Variants in EML1 observed in about 807,000 individuals in gnomAD.
The protein encoded by EML1 is EMAP like 1.
A neutral mutation model predicts 110.4 loss-of-function variants in EML1; 27 were observed. The observed-to-expected ratio is 0.24, with a 90% CI of 0.18 to 0.34. The LOEUF is 0.34. Ranked by LOEUF, EML1 falls within the 10% of genes least tolerant of loss-of-function variation. EML1 has a pLI of 1.00. For missense variants in EML1, 741 were observed against 1,030.9 expected, an observed-to-expected ratio of 0.72 and a Z score of 3.85; for synonymous variants, 344 against 385.8, an observed-to-expected ratio of 0.89 and a Z score of 1.27.
At chr14:99,746,817 C>T (rs1311225815) in intron 1 of EML1, among the ~76,000 whole-genome samples, 2 of 152,132 alleles carry the variant, frequency 1.3e-5, no homozygotes, top group African/African-American at 4.8e-5. Context: ...TCCTGTGTCC[C>T]CACCCCTCGA....
chr14:99,740,921 C>T lies in EML1; in HGVS notation c.28+3061C>T, dbSNP rs574582421. The stretch of plus-strand genomic sequence containing the variant: ...TTTGACCTTGTGATTTACCCATCTC[C>T]GTCCTGGCCAGAATCTGCAGGAAGA... On this transcript the variant is annotated intron_variant, in intron 1 of 10. Transcript: ENST00000554479. Among the ~76,000 whole-genome samples, 10 of 152,270 alleles carry T rather than the reference C, an allele frequency of 6.6e-5. No homozygotes were observed. The South Asian group carries it at 1.7e-3, about 25-fold the overall frequency.
intron 2 of EML1, among the ~76,000 whole-genome samples, chr14:99,856,104 G>C (rs1211325446): frequency 6.6e-6 from 1 of 152,148 alleles, no homozygotes; most frequent in Non-Finnish European, 1.5e-5. Flanking sequence ...AACTATCATT[G>C]TGCCCATTTT....
intron 3 of EML1, among the ~76,000 whole-genome samples, chr14:99,877,147 A>T (rs957753604): frequency 1.3e-5 from 2 of 152,012 alleles, no homozygotes; most frequent in African/African-American, 4.8e-5. Flanking sequence ...TCAGGTTCTG[A>T]TGAGGGCTGT....
chr14:99,791,621 G>A (rs1346029551), upstream of EML1, among the ~76,000 whole-genome samples: 2 of 152,170 alleles, frequency 1.3e-5, no homozygotes, highest in Non-Finnish European at 2.9e-5. Context: ...TGGTCCTATA[G>A]CAACTTCCCT....
At chr14:99,820,760 G>A (rs535321389) in intron 1 of EML1, among the ~76,000 whole-genome samples, 31 of 152,098 alleles carry the variant, frequency 2.0e-4, no homozygotes, top group Non-Finnish European at 3.1e-4. Context: ...TCCAAGTGTC[G>A]TCTCTAGTCG....
intron 1 of EML1, among the ~76,000 whole-genome samples, chr14:99,738,936 A>G (rs916873574): frequency 2.4e-4 from 37 of 152,186 alleles, no homozygotes; most frequent in African/African-American, 8.7e-4. Flanking sequence ...GGAACTCATC[A>G]GGGTCTCCTG....
chr14:99,821,878 C>T (rs1273117836), intron 1 of EML1, among the ~76,000 whole-genome samples: 1 of 152,170 alleles, frequency 6.6e-6, no homozygotes, highest in Non-Finnish European at 1.5e-5. Flanking sequence ...AACCACAGAC[C>T]ACTGGCAGGG....
intron 1 of EML1, among the ~76,000 whole-genome samples, chr14:99,794,339 C>CTTTTTTTTTTTTTTTTTT (rs113918392): frequency 7.1e-6 from 1 of 141,262 alleles, no homozygotes; most frequent in Non-Finnish European, 1.5e-5. Flanking sequence ...GTTAACCACA[C>CTTTTTTTTTTTTTTTTTT]TTTTTTTTTT....
intron 20 of EML1, among the ~76,000 whole-genome samples, chr14:99,938,676 C>T (rs1481945658): frequency 6.6e-6 from 1 of 152,222 alleles, no homozygotes; most frequent in Non-Finnish European, 1.5e-5. Flanking sequence ...AGCCTGGAGC[C>T]AGTAATGATG....
In EML1 at chr14:99,824,352, G is replaced by T. The variant is rs188134945; in HGVS notation, c.68-26501G>T. 5.3e-5 allele frequency among the ~76,000 whole-genome samples: 8 copies of T among 151,872 alleles called. No homozygotes were observed. The East Asian group carries it at 1.5e-3, about 29-fold the overall frequency. ...TGTCTTATTTATTTATTTTTTAGAT[G>T]CATCACGTTTTTATTAGGGAAATGT... is the stretch of plus-strand genomic sequence containing the variant. On this transcript the variant is annotated intron_variant, in intron 1 of 21. Transcript: ENST00000262233.
intron 1 of EML1, among the ~76,000 whole-genome samples, chr14:99,746,448 C>T (rs921190966): frequency 2.0e-5 from 3 of 152,138 alleles, no homozygotes; most frequent in Admixed American, 6.5e-5. Flanking sequence ...AGCTATGTGG[C>T]GGAAGCACTA....
intron 12 of EML1, 124 bp from the exon 13 acceptor site, chr14:99,911,298 T>A: frequency 8.8e-7 from 1 of 1,142,602 alleles, no homozygotes; most frequent in Non-Finnish European, 1.2e-6. Context: ...CTTCATAGAT[T>A]CATATTGCAA....
rs914096604 is a variant in EML1 at position 99,885,851 on chromosome 14, G to A, written c.519-5348G>A. 22 of 455,426 alleles carry A rather than the reference G, an allele frequency of 4.8e-5. No individual in the cohort carries two copies. The Admixed American group carries it at 5.2e-4, about 11-fold the overall frequency. The allele number at this position is 455,426 out of a possible 1,614,324, so 28.2% of individuals were successfully genotyped here. A position where few individuals can be genotyped will look rare whatever the true frequency, so the allele number is the denominator to read the frequency against. On this transcript the variant is annotated intron_variant, in intron 4 of 21. Transcript: ENST00000262233. Reference sequence around the variant, plus strand: ...TCGTGCCAATAACCTGTTCCTCACAGTGGTTGTATTCCCATTTTTAGATTA... The same window carrying A: ...TCGTGCCAATAACCTGTTCCTCACAATGGTTGTATTCCCATTTTTAGATTA...
chr14:99,805,463 T>C (rs1595307786), intron 1 of EML1, among the ~76,000 whole-genome samples: 1 of 152,262 alleles, frequency 6.6e-6, no homozygotes, highest in African/African-American at 2.4e-5. Context: ...TTATTCTCTT[T>C]CTTTTCTTCT....
rs565214926 is a variant in EML1, at chr14:99,738,769, G to A, written c.28+909G>A. Reference sequence around the variant, plus strand: ...GTGCACTGAGTGCTCAGGGCCCTGCGTGCTGGCAGCAGGTGGGCACCCTGG... The same window carrying A: ...GTGCACTGAGTGCTCAGGGCCCTGCATGCTGGCAGCAGGTGGGCACCCTGG... On this transcript the variant is annotated intron_variant, in intron 1 of 10. Transcript: ENST00000554479. 2.6e-5 allele frequency among the ~76,000 whole-genome samples: 4 copies of A among 152,332 alleles called. No individual in the cohort carries two copies. In the South Asian group the frequency reaches 6.2e-4, roughly 24 times the overall value.
chr14:99,917,153 G>A (rs910326192), intron 15 of EML1, among the ~76,000 whole-genome samples: 1 of 152,156 alleles, frequency 6.6e-6, no homozygotes, highest in South Asian at 2.1e-4. Context: ...ACTCAGCACG[G>A]GGAGTCAACT....
At chr14:99,807,556 A>G (rs2057999795) in intron 1 of EML1, among the ~76,000 whole-genome samples, 1 of 152,180 alleles carries the variant, frequency 6.6e-6, no homozygotes, top group Non-Finnish European at 1.5e-5. Flanking sequence ...GAAGGGGCAG[A>G]GGGGCAGTTA....
chr14:99,751,144 G>A (rs2057170316), intron 1 of EML1, among the ~76,000 whole-genome samples: 1 of 152,138 alleles, frequency 6.6e-6, no homozygotes, highest in African/African-American at 2.4e-5. Flanking sequence ...CCACTGCTGG[G>A]TCCTGGGGTA....
At chr14:99,893,017 G>A (rs551725350) in intron 5 of EML1, among the ~76,000 whole-genome samples, 1 of 152,098 alleles carries the variant, frequency 6.6e-6, no homozygotes, top group African/African-American at 2.4e-5. Context: ...CCCCTGATGA[G>A]CTTATATTTG....
Sources: allele counts gnomAD v4.1 joint callset (sites outside exome capture counted in the v4.1 genomes callset), GRCh38; gene constraint gnomAD v4.1.1; transcripts MANE v1.5; gene names NCBI Gene and HGNC (gene_info 2026-07-23, HGNC 2026-07-21).